EDIL3: variants seen among roughly 807,000 people sequenced by gnomAD.
EDIL3 encodes EGF like and discoidin domains 3, also known as EGF-like repeat and discoidin I-like domain-containing protein 3.
In EDIL3, 37 loss-of-function variants were observed where a neutral mutation model predicts 67.4. The observed-to-expected ratio is 0.55, with a 90% CI of 0.42 to 0.72. The LOEUF (loss-of-function observed/expected upper bound fraction) is 0.72. Among genes scored for constraint, EDIL3 ranks in the 30% least tolerant of loss-of-function variants. The pLI, the probability that EDIL3 is intolerant of heterozygous loss-of-function variation, is 0.00. For missense variants in EDIL3, 527 were observed against 586.3 expected (o/e 0.90, Z 1.04); for synonymous variants, 195 against 196.3 (o/e 0.99, Z 0.05).
intron 6 of EDIL3, among the ~76,000 whole-genome samples, chr5:84,069,452 G>A (rs1267686408): frequency 6.6e-6 from 1 of 152,004 alleles, no homozygotes. Context: ...TGTAAAGGAG[G>A]TTTTAATAAA....
intron 4 of EDIL3, among the ~76,000 whole-genome samples, chr5:84,148,573 C>A (rs1045729739): frequency 8.6e-5 from 13 of 152,022 alleles, no homozygotes; most frequent in Non-Finnish European, 1.5e-4. Context: ...GAAAAGACTC[C>A]TTTTTTAAAT....
At chr5:84,060,651 C>T (rs1469108341) in intron 8 of EDIL3, among the ~76,000 whole-genome samples, 167 bp from the exon 9 acceptor site, 3 of 152,012 alleles carry the variant, frequency 2.0e-5, no homozygotes, top group Admixed American at 6.6e-5. Context: ...AAATCTGAAA[C>T]AAAATCGAAA....
At chr5:84,204,108 A>G (rs1445956675) in intron 3 of EDIL3, among the ~76,000 whole-genome samples, 2 of 152,218 alleles carry the variant, frequency 1.3e-5, no homozygotes, top group Non-Finnish European at 2.9e-5. Flanking sequence ...TAAGTGAAGA[A>G]TGTTTACAAC....
chr5:84,094,849 T>C (rs1171574325), intron 6 of EDIL3, among the ~76,000 whole-genome samples: 1 of 152,228 alleles, frequency 6.6e-6, no homozygotes, highest in African/African-American at 2.4e-5. Context: ...TTAAGTTTTA[T>C]AACAAAGAAA....
chr5:83,990,923 AAAT>A (rs1415912874), intron 9 of EDIL3, among the ~76,000 whole-genome samples: 5 of 132,800 alleles, frequency 3.8e-5, no homozygotes, highest in African/African-American at 1.1e-4. Flanking sequence ...ATAAATAAAT[AAAT>A]AAAATAAAAG....
rs115572256 is a variant in EDIL3 at position 84,167,692 on chromosome 5, G to A, written c.355+12701C>T. Among the ~76,000 whole-genome samples the A allele has an allele frequency of 6.7e-3, 1,014 of 152,168 alleles. 13 individuals carry two copies. The highest frequency in any genetic ancestry group is 0.019 in the African/African-American group (793 of 41,528). On this transcript the variant is annotated intron_variant, in intron 4 of 10. Transcript: ENST00000296591. ...TAAATTGACAGGGCATCACCAAGTG[G>A]GATCTGAGAATAGGCAAGTGGCCCA...
intron 9 of EDIL3, among the ~76,000 whole-genome samples, chr5:84,032,372 G>A (rs1011763000): frequency 2.0e-5 from 3 of 152,108 alleles, no homozygotes; most frequent in Non-Finnish European, 4.4e-5. Flanking sequence ...AATCTTATTT[G>A]ACAACTGGTA....
chr5:84,381,156 A>G (rs146541447), intron 1 of EDIL3, among the ~76,000 whole-genome samples: 1 of 152,254 alleles, frequency 6.6e-6, no homozygotes, highest in East Asian at 1.9e-4. Flanking sequence ...GTCTTTTCCC[A>G]AAACCATATA....
At chr5:84,024,640 T>A (rs1045489764) in intron 9 of EDIL3, among the ~76,000 whole-genome samples, 90 of 152,206 alleles carry the variant, frequency 5.9e-4, no homozygotes, top group African/African-American at 2.1e-3. Context: ...CTATCATGAA[T>A]CTCTGACTTG....
At chr5:84,384,080 A>G (rs1748162087) in intron 1 of EDIL3, among the ~76,000 whole-genome samples, 1 of 151,386 alleles carries the variant, frequency 6.6e-6, no homozygotes, top group Non-Finnish European at 1.5e-5. Flanking sequence ...TCTTTCCTGT[A>G]TCTCACCCCG....
chr5:83,943,208 A>G lies in EDIL3; in HGVS notation c.*211T>C. 1 of 558,766 alleles carries G rather than the reference A, an allele frequency of 1.8e-6. No individual in the cohort carries two copies. 34.6% of individuals were successfully genotyped at this position (558,766 alleles called of 1,614,324 possible). A position where few individuals can be genotyped will look rare whatever the true frequency, so the allele number is the denominator to read the frequency against. On this transcript the variant is annotated 3_prime_UTR_variant, in exon 11 of 11. Coordinates refer to ENST00000296591, the MANE Select transcript of EDIL3 (RefSeq NM_005711.5). ...CACACTTAATGTGTTGTTACTTAAGAGATTTGACGGATAAAATAAAATCAA... is the reference window on the plus strand; with the variant it reads ...CACACTTAATGTGTTGTTACTTAAGGGATTTGACGGATAAAATAAAATCAA...
intron 4 of EDIL3, among the ~76,000 whole-genome samples, chr5:84,141,452 T>G (rs943109011): frequency 1.4e-5 from 2 of 146,950 alleles, no homozygotes; most frequent in Non-Finnish European, 3.0e-5. Context: ...TATATATAAT[T>G]TCATATATAT....
At chr5:84,174,610 C>G (rs911812703) in intron 4 of EDIL3, among the ~76,000 whole-genome samples, 2 of 152,070 alleles carry the variant, frequency 1.3e-5, no homozygotes, top group African/African-American at 4.8e-5. Context: ...AAGGTTCAAG[C>G]GTTTTGGTCA....
At chr5:84,061,644 TGTAAGATG>T (rs1359786704) in intron 8 of EDIL3, among the ~76,000 whole-genome samples, 1 of 152,166 alleles carries the variant, frequency 6.6e-6, no homozygotes, top group East Asian at 1.9e-4. Flanking sequence ...TTTTCTCATC[TGTAAGATG>T]GTGATAATAA....
rs534547489 is a variant in EDIL3, at chr5:84,220,553, A to G, written c.226+9302T>C. On this transcript the variant is annotated intron_variant, in intron 3 of 10. Coordinates refer to ENST00000296591, the MANE Select transcript of EDIL3 (RefSeq NM_005711.5). ...AATAACCATGAAGGTAGTTAAAGTG[A>G]AAAAGAGATGTTATGACCATGATTT... 4.6e-5 allele frequency among the ~76,000 whole-genome samples: 7 copies of G among 152,314 alleles called. No homozygotes were observed. In the South Asian group the frequency reaches 1.5e-3, roughly 32 times the overall value.
intron 10 of EDIL3, among the ~76,000 whole-genome samples, chr5:83,956,391 G>A (rs1744514474): frequency 6.6e-6 from 1 of 151,506 alleles, no homozygotes; most frequent in Non-Finnish European, 1.5e-5. Flanking sequence ...TTGACCCCAG[G>A]CCTCCACTTC....
chr5:84,200,300 T>C (rs971251474), intron 3 of EDIL3, among the ~76,000 whole-genome samples: 20 of 152,058 alleles, frequency 1.3e-4, no homozygotes, highest in Non-Finnish European at 5.9e-5. Context: ...TTAATCTGTC[T>C]AATGAGTTTA....
At chr5:84,321,696 G>T (rs934643982) in intron 1 of EDIL3, among the ~76,000 whole-genome samples, 1 of 152,104 alleles carries the variant, frequency 6.6e-6, no homozygotes, top group Non-Finnish European at 1.5e-5. Flanking sequence ...AGGAATCTGT[G>T]ATCCTGTCAG....
At chr5:84,334,928 T>C (rs535406829) in intron 1 of EDIL3, among the ~76,000 whole-genome samples, 198 of 152,216 alleles carry the variant, frequency 1.3e-3, no homozygotes, top group Non-Finnish European at 2.4e-3. Context: ...TATTTTCTTA[T>C]TCCATTTTGT....
Sources: gnomAD v4.1 joint callset for allele counts (sites outside exome capture counted in the v4.1 genomes callset) on GRCh38, gnomAD v4.1.1 for gene constraint, MANE v1.5 for transcripts, NCBI Gene and HGNC (gene_info 2026-07-23, HGNC 2026-07-21) for gene names.